The following HHIPL1 variants were observed in gnomAD, a reference collection of about 807,000 sequenced individuals.
HHIPL1 encodes HHIP-like protein 1.
A neutral mutation model predicts 61.8 loss-of-function variants in HHIPL1; 43 were observed. The ratio of observed to expected loss-of-function variants is 0.70; its 90% CI spans 0.55 to 0.90. The LOEUF is 0.90. Among genes scored for constraint, HHIPL1 ranks in the 40% least tolerant of loss-of-function variants. The probability of loss-of-function intolerance (pLI) is 0.00; values close to 1 mark genes in which losing one functional copy is unlikely to be tolerated. For synonymous variants in HHIPL1, 482 were observed against 515.8 expected (o/e 0.93, Z 0.89); for missense variants, 1,056 against 1,157.7 (o/e 0.91, Z 1.28).
Position 99,645,390 on chromosome 14 carries a change from G to A in HHIPL1, c.183G>A (p.Trp61Ter). The change falls in exon 1 of 9, where the codon TGG (tryptophan) becomes TGA (stop). Residue 61 changes from tryptophan to a stop codon, truncating the protein, a stop_gained. Coordinates refer to ENST00000330710, the MANE Select transcript of HHIPL1 (RefSeq NM_001127258.3). LOFTEE classifies it high-confidence loss of function. ...GRDAELTRRF[W>*]ALASRVDAAE... The stretch of plus-strand genomic sequence containing the variant: ...ACGCCGAGCTGACCCGCCGCTTCTG[G>A]GCCCTGGCGAGCCGCGTGGACGCCG... The A allele has an allele frequency of 1.4e-6, 2 of 1,427,504 alleles. No homozygotes were observed. The highest frequency in any genetic ancestry group is 1.8e-6 in the Non-Finnish European group (2 of 1,093,030). 88.4% of individuals were successfully genotyped at this position (1,427,504 alleles called of 1,614,324 possible). A position where few individuals can be genotyped will look rare whatever the true frequency, so the allele number is the denominator to read the frequency against.
chr14:99,622,660 C>T, the HHIPL1 span, among the ~76,000 whole-genome samples: 5 of 152,316 alleles, frequency 3.3e-5, no homozygotes, highest in South Asian at 1.0e-3. Context: ...TGCCTACCTG[C>T]TTGGCCACCT....
At chr14:99,635,876 CAA>C in the HHIPL1 span, among the ~76,000 whole-genome samples, 32 of 152,268 alleles carry the variant, frequency 2.1e-4, no homozygotes, top group African/African-American at 7.7e-4. Context: ...CGTTTCCATG[CAA>C]AGTTATCTCG....
At chr14:99,651,675 G>C (rs1383195167) in intron 1 of HHIPL1, among the ~76,000 whole-genome samples, 3 of 152,208 alleles carry the variant, frequency 2.0e-5, no homozygotes, top group South Asian at 4.1e-4. Context: ...AGAGTATCAG[G>C]AGATGGAAGG....
chr14:99,675,419 C>T lies in HHIPL1; in HGVS notation c.2142C>T (p.Arg714=). 3 of 1,531,926 alleles carry T rather than the reference C, an allele frequency of 2.0e-6. No homozygotes were observed. The highest frequency in any genetic ancestry group is 2.4e-5 in the South Asian group (2 of 83,402). 94.9% of individuals were successfully genotyped at this position (1,531,926 alleles called of 1,614,324 possible). ...TCAGCGGCGCCGCCGTCGTGTGTCG[C>T]CAGCTGGGGTTTGCCTACGCCGTGC... ...WNISGAAVVC[R]QLGFAYAVRA... is the part of the protein sequence containing the mutation. Residue 714 remains arginine (R), a synonymous_variant, in exon 9 of 9, where the codon CGC becomes CGT. Coordinates refer to ENST00000330710, the MANE Select transcript of HHIPL1 (RefSeq NM_001127258.3). This position sits in a 1 kb window ranked among gnomAD's most constrained non-coding sequence, Gnocchi z 5.4.
chr14:99,663,135 G>GT (rs1350464870), intron 6 of HHIPL1, 114 bp downstream of exon 6: 1 of 1,019,880 alleles, frequency 9.8e-7, no homozygotes, highest in Non-Finnish European at 1.4e-6. Context: ...CCTGAAATTA[G>GT]TTCCCACCTG....
the HHIPL1 span, among the ~76,000 whole-genome samples, chr14:99,625,995 C>A: frequency 2.0e-5 from 3 of 152,148 alleles, no homozygotes; most frequent in Non-Finnish European, 4.4e-5. Flanking sequence ...AGCCCTGTGT[C>A]TGGCCCACAT....
In HHIPL1 at chr14:99,648,334, C is replaced by T. The variant is rs565682854; in HGVS notation, c.255+2872C>T. ...ACTCTATGAGGTTGGAATTCCTTTC[C>T]CCTTCCACAGATGAGGACATAGGCA... On this transcript the variant is annotated intron_variant, in intron 1 of 8. Coordinates refer to ENST00000330710, the MANE Select transcript of HHIPL1 (RefSeq NM_001127258.3). Among the ~76,000 whole-genome samples, 151 of 152,290 alleles carry T rather than the reference C, an allele frequency of 9.9e-4. 1 individual carries two copies. The highest frequency in any genetic ancestry group is 3.4e-3 in the African/African-American group (143 of 41,550).
the HHIPL1 span, among the ~76,000 whole-genome samples, chr14:99,607,657 G>A: frequency 6.6e-6 from 1 of 152,078 alleles, no homozygotes; most frequent in South Asian, 2.1e-4. Context: ...TCACTTTCAG[G>A]GGGAATGGAC....
At position 99,675,732 on chromosome 14, in the gene HHIPL1, G is replaced by T. The variant is rs1053482353; in HGVS notation, c.*106G>T. On this transcript the variant is annotated 3_prime_UTR_variant, in exon 9 of 9. Coordinates refer to ENST00000330710, the MANE Select transcript of HHIPL1 (RefSeq NM_001127258.3). This position sits in a 1 kb window ranked among gnomAD's most constrained non-coding sequence, Gnocchi z 5.4. ...TGCACACGTGTTCTAGAGTGAAGGG[G>T]GTGCGGGTGTGTGCTGTCCTGGGGA... 2 of 1,186,000 alleles carry T rather than the reference G, an allele frequency of 1.7e-6. No homozygotes were observed. The highest frequency in any genetic ancestry group is 1.6e-5 in the South Asian group (1 of 61,560). The allele number at this position is 1,186,000 out of a possible 1,614,324, so 73.5% of individuals were successfully genotyped here. A position where few individuals can be genotyped will look rare whatever the true frequency, so the allele number is the denominator to read the frequency against.
the HHIPL1 span, among the ~76,000 whole-genome samples, chr14:99,605,538 A>G: frequency 6.6e-6 from 1 of 151,926 alleles, no homozygotes; most frequent in African/African-American, 2.4e-5. Context: ...CTCAGCGCCT[A>G]CTCGCCGCGG....
At chr14:99,661,238 G>T (rs2140077954) in intron 5 of HHIPL1, among the ~76,000 whole-genome samples, 1 of 152,268 alleles carries the variant, frequency 6.6e-6, no homozygotes, top group Middle Eastern at 3.4e-3. Flanking sequence ...TACTGGCCAG[G>T]TGACCTTGAG....
At chr14:99,653,947 G>A (rs2055983090) in intron 2 of HHIPL1, among the ~76,000 whole-genome samples, 1 of 152,190 alleles carries the variant, frequency 6.6e-6, no homozygotes. Context: ...TCAGCACTTT[G>A]AGAGGCTGAG....
the HHIPL1 span, among the ~76,000 whole-genome samples, chr14:99,638,439 G>A: frequency 1.2e-3 from 186 of 152,318 alleles, 2 homozygotes; most frequent in East Asian, 1.4e-3. Flanking sequence ...TGCTGGAGCC[G>A]ATGCGTAGGT....
At chr14:99,634,350 C>CTG in the HHIPL1 span, among the ~76,000 whole-genome samples, 6 of 152,138 alleles carry the variant, frequency 3.9e-5, no homozygotes, top group East Asian at 3.9e-4. Flanking sequence ...GGAAGTCCCC[C>CTG]GTGACGGCTC....
At chr14:99,619,082 C>G in the HHIPL1 span, among the ~76,000 whole-genome samples, 1 of 152,130 alleles carries the variant, frequency 6.6e-6, no homozygotes, top group Non-Finnish European at 1.5e-5. Context: ...CCGAGCCTCA[C>G]CATGATCTCA....
rs542223531 is a variant in HHIPL1 at position 99,668,686 on chromosome 14, T to G, written c.1730+383T>G. 46 of 413,536 alleles carry G rather than the reference T, an allele frequency of 1.1e-4. No individual in the cohort carries two copies. The highest frequency in any genetic ancestry group is 8.7e-4 in the African/African-American group (41 of 47,086). The allele number at this position is 413,536 out of a possible 1,614,324, so 25.6% of individuals were successfully genotyped here. On this transcript the variant is annotated intron_variant, in intron 7 of 8. Coordinates refer to ENST00000330710, the MANE Select transcript of HHIPL1 (RefSeq NM_001127258.3). This position sits in a 1 kb window ranked among gnomAD's most constrained non-coding sequence, Gnocchi z 4.7. ...GCACCCCCACACCCCAGCCCCCAAT[T>G]TGCCTCTGTGATGCCTCCCAGATGA...
At position 99,669,355 on chromosome 14, in the gene HHIPL1, G is replaced by A. The variant is rs950323138; in HGVS notation, c.1730+1052G>A. On this transcript the variant is annotated intron_variant, in intron 7 of 8. Coordinates refer to ENST00000330710, the MANE Select transcript of HHIPL1 (RefSeq NM_001127258.3). ...TGAACGTCTCTTCAACACTGGGTAC[G>A]GACACAGCTTGTACTTGTCTCTAAC... is the stretch of plus-strand genomic sequence containing the variant. 1.1e-5 allele frequency: 11 copies of A among 1,000,652 alleles called. No homozygotes were observed. The South Asian group carries it at 3.1e-4, about 28-fold the overall frequency. The allele number at this position is 1,000,652 out of a possible 1,614,324, so 62.0% of individuals were successfully genotyped here.
At chr14:99,642,674 C>T (rs1245589685), upstream of HHIPL1, among the ~76,000 whole-genome samples, 3 of 151,788 alleles carry the variant, frequency 2.0e-5, no homozygotes, top group Non-Finnish European at 4.4e-5. Context: ...TATAGGCGCC[C>T]ATCACCATGC....
rs554922134 is a variant in HHIPL1, at chr14:99,647,267, C to T, written c.255+1805C>T. ...GGCTCTGCTGGACTCCCATGCTGTA[C>T]ACCTCAAGGGCACGGGAATGGTCTG... is the stretch of plus-strand genomic sequence containing the variant. On this transcript the variant is annotated intron_variant, in intron 1 of 8. Coordinates refer to ENST00000330710, the MANE Select transcript of HHIPL1 (RefSeq NM_001127258.3). Among the ~76,000 whole-genome samples the T allele has an allele frequency of 1.5e-3, 226 of 152,328 alleles. 5 individuals carry two copies. Among genetic ancestry groups the T allele is most frequent in the Middle Eastern group, 3.4e-3 (1 of 294 alleles).
Sources: gnomAD v4.1 joint callset for allele counts (sites outside exome capture counted in the v4.1 genomes callset) on GRCh38, gnomAD v4.1.1 for gene constraint, Gnocchi (gnomAD v3.1) non-coding constraint, MANE v1.5 for transcripts, NCBI Gene and HGNC (gene_info 2026-07-23, HGNC 2026-07-21) for gene names.